Variants in ZIC4 observed in about 807,000 individuals in gnomAD.
ZIC4 encodes zinc finger protein ZIC 4.
In ZIC4, 15 loss-of-function variants were observed where a neutral mutation model predicts 28.8. The observed-to-expected ratio is 0.52, with a 90% CI of 0.35 to 0.80. The LOEUF (loss-of-function observed/expected upper bound fraction) is 0.80. Among genes scored for constraint, ZIC4 ranks in the 30% least tolerant of loss-of-function variants. The pLI is 0.01. For synonymous variants in ZIC4, 220 were observed against 198.1 expected, an observed-to-expected ratio of 1.11 and a Z score of -0.93; for missense variants, 512 against 467.1, an observed-to-expected ratio of 1.10 and a Z score of -0.89.
At chr3:147,404,630 C>T (rs1041471002) in intron 1 of ZIC4, among the ~76,000 whole-genome samples, 3 of 152,204 alleles carry the variant, frequency 2.0e-5, no homozygotes, top group African/African-American at 7.2e-5. Flanking sequence ...ATTACCAGTC[C>T]ATAGCACATC....
At chr3:147,398,894 TA>T (rs538389806) in intron 2 of ZIC4, among the ~76,000 whole-genome samples, 320 of 152,182 alleles carry the variant, frequency 2.1e-3, no homozygotes, top group African/African-American at 7.3e-3. Context: ...AATTTTTTTT[TA>T]AAATAATTAA....
intron 3 of ZIC4, chr3:147,393,850 C>T (rs1266274690): frequency 2.2e-6 from 1 of 456,328 alleles, no homozygotes; most frequent in Non-Finnish European, 4.4e-6. Context: ...GCCTCCCTCC[C>T]CGAGGCACCA....
At position 147,388,670 on chromosome 3, in the gene ZIC4, G is replaced by C; in HGVS notation, c.*189C>G. ...ATGTCCTTAATGAAAAGCCTGGACG[G>C]GCTCCAGGCTTGGCCTTTCAGGATT... is the stretch of plus-strand genomic sequence containing the variant. On this transcript the variant is annotated 3_prime_UTR_variant, in exon 5 of 5. Transcript: ENST00000383075. The C allele has an allele frequency of 1.7e-6, 1 of 591,288 alleles. No individual in the cohort carries two copies. 36.6% of individuals were successfully genotyped at this position (591,288 alleles called of 1,614,324 possible). A position where few individuals can be genotyped will look rare whatever the true frequency, so the allele number is the denominator to read the frequency against.
chr3:147,394,114 T>TC (rs1559961243), intron 3 of ZIC4, among the ~76,000 whole-genome samples: 42 of 140,740 alleles, frequency 3.0e-4, no homozygotes, highest in African/African-American at 1.0e-3. Flanking sequence ...AATATTTTTT[T>TC]TCCCTCTCTC....
In ZIC4 at chr3:147,396,508, C is replaced by A; in HGVS notation, c.71-39G>T. 3 of 1,492,322 alleles carry A rather than the reference C, an allele frequency of 2.0e-6. No homozygotes were observed. The highest frequency in any genetic ancestry group is 2.7e-6 in the Non-Finnish European group (3 of 1,128,968). 92.4% of individuals were successfully genotyped at this position (1,492,322 alleles called of 1,614,324 possible). On this transcript the variant is annotated intron_variant, in intron 2 of 4. Transcript: ENST00000383075. The surrounding 1 kb of genome is among the most constrained non-coding windows in gnomAD (Gnocchi z 4.2). ...AAATAGCGCGCATGAGAACGGGTGGCGTGGGCTGCGCGCTCTTCCCTGGGC... is the reference window on the plus strand; with the variant it reads ...AAATAGCGCGCATGAGAACGGGTGGAGTGGGCTGCGCGCTCTTCCCTGGGC...
In ZIC4 at chr3:147,396,168, G is replaced by A. The variant is rs757602919; in HGVS notation, c.372C>T (p.Ile124=). 4 of 1,614,020 alleles carry A rather than the reference G, an allele frequency of 2.5e-6. No homozygotes were observed. Among genetic ancestry groups the A allele is most frequent in the South Asian group, 2.2e-5 (2 of 91,084 alleles). ...GCCACTTGCAGATGAGCTCCTGTTT[G>A]ATGGGCTGGCGCATGTAGCGGAAGA... ...GAFFRYMRQP[I]KQELICKWLA... The change falls in exon 3 of 5, where the codon ATC becomes ATT. Residue 124 remains isoleucine, a synonymous_variant. Coordinates refer to ENST00000383075, the MANE Select transcript of ZIC4 (RefSeq NM_032153.6). This position sits in a 1 kb window ranked among gnomAD's most constrained non-coding sequence, Gnocchi z 4.2.
chr3:147,400,659 A>G (rs1460496043), intron 2 of ZIC4, among the ~76,000 whole-genome samples: 1 of 152,220 alleles, frequency 6.6e-6, no homozygotes, highest in African/African-American at 2.4e-5. Context: ...GGGATTACAT[A>G]AGGATCTTCA....
intron 2 of ZIC4, among the ~76,000 whole-genome samples, chr3:147,399,660 C>G (rs1434650539): frequency 6.9e-6 from 1 of 145,780 alleles, no homozygotes; most frequent in Non-Finnish European, 1.5e-5. Context: ...TGCAAAAACA[C>G]GGATTTTTTT....
chr3:147,392,572 T>C, intron 3 of ZIC4: 4 of 368,188 alleles, frequency 1.1e-5, no homozygotes, highest in Non-Finnish European at 1.5e-5. Flanking sequence ...CGCTCTGAGT[T>C]AAGGGACCGG....
At chr3:147,394,439 C>T (rs933390330) in intron 3 of ZIC4, among the ~76,000 whole-genome samples, 1 of 148,338 alleles carries the variant, frequency 6.7e-6, no homozygotes, top group African/African-American at 2.5e-5. Context: ...AACAGTGGGC[C>T]GGCAAAGAGC....
At chr3:147,398,615 C>T (rs2087102066) in intron 2 of ZIC4, among the ~76,000 whole-genome samples, 1 of 152,142 alleles carries the variant, frequency 6.6e-6, no homozygotes, top group Non-Finnish European at 1.5e-5. Context: ...GCCGGGACTC[C>T]TGCCTTGTCG....
rs556565323 is a variant in ZIC4, at chr3:147,403,273, C to T, written c.-15-461G>A. Among the ~76,000 whole-genome samples, 135 of 152,210 alleles carry T rather than the reference C, an allele frequency of 8.9e-4. 2 individuals are homozygous for T. The highest frequency in any genetic ancestry group is 3.1e-3 in the African/African-American group (127 of 41,538). On this transcript the variant is annotated intron_variant, in intron 1 of 4. Transcript: ENST00000383075. Reference sequence around the variant, plus strand: ...AAATTTGATTTATAACTGTTGGAACCAAGAGGAGAGGAATTTCTTTGCAGG... The same window carrying T: ...AAATTTGATTTATAACTGTTGGAACTAAGAGGAGAGGAATTTCTTTGCAGG...
chr3:147,397,056 C>T (rs1275029926), intron 2 of ZIC4: 2 of 152,072 alleles, frequency 1.3e-5, no homozygotes, highest in African/African-American at 4.8e-5. Flanking sequence ...AAAGGAAAAC[C>T]ACACAAAAAA....
At chr3:147,390,136 T>A (rs1169941456) in intron 4 of ZIC4, among the ~76,000 whole-genome samples, 1 of 152,214 alleles carries the variant, frequency 6.6e-6, no homozygotes, top group East Asian at 1.9e-4. Flanking sequence ...TTTATCTGTG[T>A]GCCCAGGCCA....
At chr3:147,394,788 C>T (rs1422733134) in intron 3 of ZIC4, among the ~76,000 whole-genome samples, 2 of 152,172 alleles carry the variant, frequency 1.3e-5, no homozygotes, top group Admixed American at 1.3e-4. Context: ...GGACCTTCCC[C>T]GGGAAGGGAG....
At position 147,404,106 on chromosome 3, in the gene ZIC4, G is replaced by A. The variant is rs138258364; in HGVS notation, c.-15-1294C>T. 8,755 of 1,535,588 alleles carry A rather than the reference G, an allele frequency of 5.7e-3. 44 individuals are homozygous for A. Among genetic ancestry groups the A allele is most frequent in the Non-Finnish European group, 6.7e-3 (7,624 of 1,146,308 alleles). ...CCTACAGAAGGGCGGCATGCTGGGC[G>A]TCCTCGCTCTGAAATTTCCTCATGG... On this transcript the variant is annotated intron_variant, in intron 1 of 4. Coordinates refer to ENST00000383075, the MANE Select transcript of ZIC4 (RefSeq NM_032153.6).
At chr3:147,404,009 G>A (rs1559966106) in intron 1 of ZIC4, 1 of 1,537,072 alleles carries the variant, frequency 6.5e-7, no homozygotes, top group South Asian at 1.2e-5. Flanking sequence ...CTAACCAAAA[G>A]GCATTCTTCC....
At chr3:147,397,142 C>G (rs1339422543) in intron 2 of ZIC4, 1 of 152,122 alleles carries the variant, frequency 6.6e-6, no homozygotes, top group African/African-American at 2.4e-5. Flanking sequence ...GCGCCCACCC[C>G]CTTGGCTATT....
intron 3 of ZIC4, chr3:147,393,511 C>T (rs55791857): frequency 2.4e-4 from 49 of 200,906 alleles, no homozygotes; most frequent in Non-Finnish European, 4.2e-4. Context: ...GCGTCCTAGG[C>T]CCGGGGCTGC....
Sources: allele counts gnomAD v4.1 joint callset (sites outside exome capture counted in the v4.1 genomes callset), GRCh38; gene constraint gnomAD v4.1.1; non-coding constraint Gnocchi (gnomAD v3.1); transcripts MANE v1.5; gene names NCBI Gene and HGNC (gene_info 2026-07-23, HGNC 2026-07-21).